CACNA1B: variants seen among roughly 807,000 people sequenced by gnomAD.
CACNA1B encodes the protein voltage-dependent N-type calcium channel subunit alpha-1B.
In CACNA1B, 70 loss-of-function variants were observed where a neutral mutation model predicts 247.2. The ratio of observed to expected loss-of-function variants is 0.28; its 90% CI spans 0.23 to 0.35. The LOEUF is 0.35. Among genes scored for constraint, CACNA1B ranks in the 10% least tolerant of loss-of-function variants. The pLI is 1.00. For synonymous variants in CACNA1B, 1,231 were observed against 1,294.4 expected (o/e 0.95, Z 1.05); for missense variants, 2,367 against 3,197.4 (o/e 0.74, Z 6.26).
chr9:138,049,215 G>A lies in CACNA1B; in HGVS notation c.3610G>A (p.Asp1204Asn), dbSNP rs1450708716. 3.1e-6 allele frequency: 5 copies of A among 1,606,230 alleles called. No homozygotes were observed. Among genetic ancestry groups the A allele is most frequent in the Admixed American group, 1.7e-5 (1 of 59,998 alleles). ...FTFEMVIKMI[D>N]LGLLLHPGAY... Reference sequence around the variant, plus strand: ...GTGTGTTTCTCCCTCCTAGATGATCGACTTGGGACTGCTGCTTCACCCTGG... The same window carrying A: ...GTGTGTTTCTCCCTCCTAGATGATCAACTTGGGACTGCTGCTTCACCCTGG... The change falls in exon 24 of 47, where the codon GAC (aspartate) becomes AAC (asparagine). Residue 1204 changes from aspartate to asparagine, a missense_variant. Transcript: ENST00000371372.
chr9:137,918,113 C>T (rs1338024552), intron 6 of CACNA1B, among the ~76,000 whole-genome samples: 1 of 152,190 alleles, frequency 6.6e-6, no homozygotes, highest in Non-Finnish European at 1.5e-5. Context: ...GTCCTGTTTC[C>T]TCTTTGGTCT....
At chr9:137,901,181 CCT>C (rs1487382541) in intron 3 of CACNA1B, among the ~76,000 whole-genome samples, 2 of 142,284 alleles carry the variant, frequency 1.4e-5, no homozygotes, top group Non-Finnish European at 1.5e-5. Context: ...TCTCTGTGTC[CCT>C]GTGTCAGTGT....
intron 3 of CACNA1B, among the ~76,000 whole-genome samples, chr9:137,900,966 C>T (rs1294952304): frequency 7.0e-6 from 1 of 142,470 alleles, no homozygotes; most frequent in Non-Finnish European, 1.5e-5. Context: ...TGTGTCTGTG[C>T]TGTGTGTCTC....
intron 10 of CACNA1B, among the ~76,000 whole-genome samples, chr9:137,966,092 T>A (rs1377815652): frequency 6.6e-6 from 1 of 152,242 alleles, no homozygotes; most frequent in Non-Finnish European, 1.5e-5. Context: ...TTGGTTCTAC[T>A]TTTTGTTGCT....
intron 37 of CACNA1B, among the ~76,000 whole-genome samples, chr9:138,101,435 C>T (rs1961247606): frequency 6.6e-6 from 1 of 152,228 alleles, no homozygotes; most frequent in Admixed American, 6.5e-5. Context: ...TTGGGATCAG[C>T]TAGCTGGGTG....
At chr9:137,985,808 G>A (rs574244293) in intron 13 of CACNA1B, among the ~76,000 whole-genome samples, 11 of 152,330 alleles carry the variant, frequency 7.2e-5, no homozygotes, top group African/African-American at 2.6e-4. Context: ...GCATGAGCAG[G>A]GCACGGTCAC....
intron 1 of CACNA1B, 94 bp from the exon 2 acceptor site, chr9:137,878,960 C>T: frequency 1.4e-6 from 1 of 735,630 alleles, no homozygotes; most frequent in Non-Finnish European, 2.3e-6. Flanking sequence ...CCTCCGGAGA[C>T]GGCCTAGCGG....
chr9:137,954,570 C>CCCCCAGG lies in CACNA1B; in HGVS notation c.1071-1124_1071-1118dup, dbSNP rs1564205945. ...AGTGATGTCCTTGCCCTTCCCCTGC[C>CCCCCAGG]CCCCAGGCCCTCTCATTCTCAGGGC... On this transcript the variant is annotated intron_variant, in intron 7 of 46. Coordinates refer to ENST00000371372, the MANE Select transcript of CACNA1B (RefSeq NM_000718.4). The surrounding 1 kb of genome is among the most constrained non-coding windows in gnomAD (Gnocchi z 4.1). 6.6e-6 allele frequency among the ~76,000 whole-genome samples: 1 copy of CCCCCAGG among 152,092 alleles called. No homozygotes were observed. Among genetic ancestry groups the CCCCCAGG allele is most frequent in the African/African-American group, 2.4e-5 (1 of 41,394 alleles).
chr9:137,896,460 G>C (rs1284068605), intron 3 of CACNA1B, among the ~76,000 whole-genome samples: 1 of 152,104 alleles, frequency 6.6e-6, no homozygotes, highest in Admixed American at 6.5e-5. Context: ...TCTTGAACTA[G>C]GGATACATCC....
At chr9:138,081,690 G>T (rs1960527230) in intron 36 of CACNA1B, among the ~76,000 whole-genome samples, 1 of 150,974 alleles carries the variant, frequency 6.6e-6, no homozygotes. Flanking sequence ...CCTGAGATTG[G>T]TATTATTATT....
chr9:137,970,233 A>G (rs1958130376), intron 10 of CACNA1B, among the ~76,000 whole-genome samples: 1 of 152,166 alleles, frequency 6.6e-6, no homozygotes, highest in Admixed American at 6.5e-5. Context: ...CAGGTATTCA[A>G]AGCCCACTGA....
chr9:137,994,982 A>G (rs1038091560), intron 15 of CACNA1B, among the ~76,000 whole-genome samples: 2 of 152,182 alleles, frequency 1.3e-5, no homozygotes, highest in Non-Finnish European at 2.9e-5. Context: ...AGGCGGGCAG[A>G]TTACCTGAGG....
In CACNA1B at chr9:137,913,232, C is replaced by T. The variant is rs1292500359; in HGVS notation, c.583C>T (p.Arg195Cys). ...DFDLRTLRAVRVLRPLKLVSG... is the reference protein window; with the variant it reads ...DFDLRTLRAVCVLRPLKLVSG... ...CGACCTGCGAACACTGAGGGCTGTG[C>T]GTGTGCTGAGGCCCCTGAAGCTGGT... Residue 195 changes from arginine to cysteine, a missense_variant, in exon 4 of 47, where the codon CGT (arginine) becomes TGT (cysteine). Transcript: ENST00000371372. The surrounding 1 kb of genome is among the most constrained non-coding windows in gnomAD (Gnocchi z 5.2). 1.9e-6 allele frequency: 3 copies of T among 1,613,922 alleles called. No individual in the cohort carries two copies. Among genetic ancestry groups the T allele is most frequent in the Non-Finnish European group, 1.7e-6 (2 of 1,179,854 alleles).
intron 6 of CACNA1B, among the ~76,000 whole-genome samples, chr9:137,945,723 A>G (rs575716482): frequency 2.0e-4 from 31 of 152,360 alleles, no homozygotes; most frequent in African/African-American, 7.2e-4. Flanking sequence ...AAATTATACA[A>G]CATTTCTTGC....
At chr9:138,120,101 C>G in intron 44 of CACNA1B, 64 bp from the exon 45 acceptor site, 1 of 1,383,558 alleles carries the variant, frequency 7.2e-7, no homozygotes, top group Non-Finnish European at 9.9e-7. Flanking sequence ...CACCCACTTC[C>G]ATGCCTGCAT....
chr9:138,075,901 T>C lies in CACNA1B; in HGVS notation c.4940T>C (p.Leu1647Pro). Reference protein sequence around the residue: ...NFRTFLQALMLLFRSATGEAW... With the variant: ...NFRTFLQALMPLFRSATGEAW... ...CGGACGTTTTTGCAAGCCCTGATGC[T>C]GCTGTTCAGGTGTGTTGTTCGGTCA... Residue 1647 changes from leucine to proline, a missense_variant, in exon 35 of 47, where the codon CTG (leucine) becomes CCG (proline). Physicochemically the swap from Leu to Pro is moderately conservative, Grantham distance 98. Around this residue, in one of 12 missense-constraint regions of CACNA1B, gnomAD observed 436 missense variants for 679.5 expected, o/e 0.64. Coordinates refer to ENST00000371372, the MANE Select transcript of CACNA1B (RefSeq NM_000718.4). 6.2e-7 allele frequency: 1 copy of C among 1,606,712 alleles called. No individual in the cohort carries two copies. Among genetic ancestry groups the C allele is most frequent in the Non-Finnish European group, 8.5e-7 (1 of 1,174,836 alleles).
At chr9:137,925,610 T>A (rs1298896278) in intron 6 of CACNA1B, among the ~76,000 whole-genome samples, 1 of 152,230 alleles carries the variant, frequency 6.6e-6, no homozygotes, top group Admixed American at 6.5e-5. Flanking sequence ...CTGGGAGATT[T>A]TTTTGTAGAT....
chr9:137,940,887 C>T (rs2133318838), intron 6 of CACNA1B, among the ~76,000 whole-genome samples: 1 of 152,204 alleles, frequency 6.6e-6, no homozygotes, highest in East Asian at 1.9e-4. Flanking sequence ...AAACCCTCAG[C>T]AAAATCGGCA....
intron 36 of CACNA1B, among the ~76,000 whole-genome samples, chr9:138,091,564 C>G (rs1564281964): frequency 2.0e-5 from 3 of 152,234 alleles, no homozygotes; most frequent in African/African-American, 7.2e-5. Flanking sequence ...TTTGAATGCT[C>G]CCAACACAGA....
Sources: gnomAD v4.1 joint callset for allele counts (sites outside exome capture counted in the v4.1 genomes callset) on GRCh38, gnomAD v4.1.1 for gene constraint, gnomAD v4.1.1 regional missense constraint, Gnocchi (gnomAD v3.1) non-coding constraint, MANE v1.5 for transcripts, NCBI Gene and HGNC (gene_info 2026-07-23, HGNC 2026-07-21) for gene names.